Variants in LRRC23 observed in about 807,000 individuals in gnomAD.
LRRC23 encodes leucine rich repeat containing 23.
Under a neutral mutation model 37.7 loss-of-function variants are expected in LRRC23, and 28 were observed. That is an observed-to-expected ratio of 0.74 (90% CI 0.55 to 1.02). The LOEUF is 1.02. Ranked by LOEUF, LRRC23 falls within the 50% of genes least tolerant of loss-of-function variation. The probability of loss-of-function intolerance (pLI) is 0.00; values close to 1 mark genes in which losing one functional copy is unlikely to be tolerated. For missense variants in LRRC23, 377 were observed against 413.2 expected, an observed-to-expected ratio of 0.91 and a Z score of 0.76; for synonymous variants, 161 against 165.4, an observed-to-expected ratio of 0.97 and a Z score of 0.20.
At chr12:6,907,501 G>C (rs782561345) in intron 5 of LRRC23, 56 bp downstream of exon 5, 1 of 1,577,378 alleles carries the variant, frequency 6.3e-7, no homozygotes, top group Non-Finnish European at 8.7e-7. Flanking sequence ...CTGGGGGTCA[G>C]GATGCCTGCT....
intron 5 of LRRC23, among the ~76,000 whole-genome samples, chr12:6,908,809 G>A (rs1383711454): frequency 3.1e-5 from 4 of 129,774 alleles, no homozygotes; most frequent in African/African-American, 6.9e-5. Flanking sequence ...GGGCAACAGA[G>A]CTAGACTCTG....
In LRRC23 at chr12:6,913,887, C is replaced by G; in HGVS notation, c.*25-4C>G. 6.3e-7 allele frequency: 1 copy of G among 1,582,640 alleles called. No homozygotes were observed. Among genetic ancestry groups the G allele is most frequent in the South Asian group, 1.2e-5 (1 of 86,188 alleles). The stretch of plus-strand genomic sequence containing the variant: ...CCCTATTTACTTCTGTCTTCTACCT[C>G]CAGGAGATCAAAGACGCTGGCCTTC... On this transcript the variant is annotated splice_region_variant and splice_polypyrimidine_tract_variant and intron_variant, in intron 7 of 7. Coordinates refer to ENST00000443597, the MANE Select transcript of LRRC23 (RefSeq NM_001135217.2).
Position 6,907,439 on chromosome 12 carries a change from C to G in LRRC23, c.615C>G (p.Leu205=), listed in dbSNP as rs146454873. 12 of 1,614,082 alleles carry G rather than the reference C, an allele frequency of 7.4e-6. No homozygotes were observed. Among genetic ancestry groups the G allele is most frequent in the Non-Finnish European group, 1.0e-5 (12 of 1,180,022 alleles). Residue 205 remains leucine (L), a synonymous_variant, in exon 5 of 8, where the codon CTC becomes CTG. Transcript: ENST00000443597. ...TCAATCTTCCTAAGCTGAAGAACCTCTACCTGGTAGCTCACTGGGTCAGAG... is the reference window on the plus strand; with the variant it reads ...TCAATCTTCCTAAGCTGAAGAACCTGTACCTGGTAGCTCACTGGGTCAGAG... The part of the protein sequence containing the change: ...LGINLPKLKN[L]YLAQNMLKKV...
intron 7 of LRRC23, 159 bp downstream of exon 7, chr12:6,913,186 A>AGGG: frequency 1.5e-6 from 1 of 678,788 alleles, no homozygotes; most frequent in South Asian, 1.9e-5. Context: ...GGAGAGGAAA[A>AGGG]GGGACCCAAG....
chr12:6,908,285 C>T (rs896746324), intron 5 of LRRC23, among the ~76,000 whole-genome samples: 7 of 151,844 alleles, frequency 4.6e-5, no homozygotes, highest in African/African-American at 9.7e-5. Flanking sequence ...GGGAGGCTGT[C>T]GCTGGGGAGG....
intron 5 of LRRC23, among the ~76,000 whole-genome samples, chr12:6,909,197 A>T (rs782177178): frequency 3.1e-4 from 3 of 9,706 alleles, no homozygotes; most frequent in Admixed American, 2.0e-3. Context: ...TATTATATAT[A>T]ATATATAATT....
rs965820114 is a variant in LRRC23 at position 6,905,491 on chromosome 12, G to C, written c.-49-94G>C. On this transcript the variant is annotated intron_variant, in intron 1 of 7. Transcript: ENST00000443597. ...ATAAGGAAAGAAGCCTAGAGTTGGT[G>C]GGTCAGAAGTCATGGGGGTGATGGG... 26 of 728,746 alleles carry C rather than the reference G, an allele frequency of 3.6e-5. No individual in the cohort carries two copies. The Admixed American group carries it at 4.0e-4, about 11-fold the overall frequency. The allele number at this position is 728,746 out of a possible 1,614,324, so 45.1% of individuals were successfully genotyped here.
At chr12:6,910,668 G>A (rs782775490) in intron 6 of LRRC23, among the ~76,000 whole-genome samples, 4 of 151,908 alleles carry the variant, frequency 2.6e-5, no homozygotes, top group Admixed American at 1.3e-4. Context: ...AGATAAAGCC[G>A]CTGCACTCCA....
intron 6 of LRRC23, 121 bp from the exon 7 acceptor site, chr12:6,912,609 C>A: frequency 1.1e-6 from 1 of 880,842 alleles, no homozygotes; most frequent in Non-Finnish European, 1.8e-6. Flanking sequence ...CTTGGCAGGC[C>A]AGTCCTCACA....
chr12:6,906,548 C>G lies in LRRC23; in HGVS notation c.376C>G (p.Arg126Gly), dbSNP rs1289377349. The change falls in exon 4 of 8, where the codon CGA becomes GGA. Residue 126 changes from arginine (R) to glycine (G), a missense_variant. By Grantham distance (125) the Arg-to-Gly change is moderately radical. Coordinates refer to ENST00000443597, the MANE Select transcript of LRRC23 (RefSeq NM_001135217.2). The part of the protein sequence containing the change: ...LWLKADGNRL[R>G]SAQMNELPYL... ...GCTCAAGGCTGATGGCAATCGGCTG[C>G]GAAGTGCCCAGATGAATGAACTGCC... 5 of 1,614,102 alleles carry G rather than the reference C, an allele frequency of 3.1e-6. No homozygotes were observed. Among genetic ancestry groups the G allele is most frequent in the African/African-American group, 1.3e-5 (1 of 74,930 alleles).
In LRRC23 at chr12:6,912,927, G is replaced by A. The variant is rs782037151; in HGVS notation, c.956G>A (p.Arg319Gln). 37 of 1,614,120 alleles carry A rather than the reference G, an allele frequency of 2.3e-5. No homozygotes were observed. The highest frequency in any genetic ancestry group is 2.6e-5 in the Non-Finnish European group (31 of 1,180,022). Residue 319 changes from arginine (R) to glutamine (Q), a missense_variant, in exon 7 of 8, where the codon CGA becomes CAA. By Grantham distance (43) the Arg-to-Gln change is conservative (BLOSUM62 1). This residue lies in a region of LRRC23 where 266 missense variants were observed against 285.6 expected (regional missense o/e 0.93). Transcript: ENST00000443597. Reference protein sequence around the residue: ...EEERAEADVIRQRLKEEKEQE... With the variant: ...EEERAEADVIQQRLKEEKEQE... ...GAACGGGCTGAGGCTGATGTGATTC[G>A]ACAGAGGCTGAAGGAAGAAAAGGAG...
chr12:6,906,791 T>G, intron 4 of LRRC23, 129 bp downstream of exon 4: 1 of 1,013,380 alleles, frequency 9.9e-7, no homozygotes, highest in East Asian at 2.4e-5. Flanking sequence ...ATACGCAATA[T>G]GATTCATTAT....
Position 6,913,924 on chromosome 12 carries a change from G to T in LRRC23, c.*58G>T. 2 of 1,609,298 alleles carry T rather than the reference G, an allele frequency of 1.2e-6. No homozygotes were observed. Among genetic ancestry groups the T allele is most frequent in the Non-Finnish European group, 1.7e-6 (2 of 1,177,850 alleles). ...AGACGCTGGCCTTCAGACCTGATCA[G>T]ACTCCCAGGGGCAGCCACCACATGT... is the stretch of plus-strand genomic sequence containing the variant. On this transcript the variant is annotated 3_prime_UTR_variant, in exon 8 of 8. Coordinates refer to ENST00000443597, the MANE Select transcript of LRRC23 (RefSeq NM_001135217.2).
chr12:6,909,494 T>TTTTATATAA (rs1945104877), intron 5 of LRRC23, among the ~76,000 whole-genome samples: 1 of 100,204 alleles, frequency 1.0e-5, no homozygotes, highest in African/African-American at 4.5e-5. Flanking sequence ...ATATAATATA[T>TTTTATATAA]TATATATTAT....
At chr12:6,905,443 A>G (rs10849538) in intron 1 of LRRC23, 142 bp from the exon 2 acceptor site, 185,899 of 530,110 alleles carry the variant, frequency 0.35, 39,329 homozygotes, top group African/African-American at 0.78. Context: ...GGAGTTGAGA[A>G]TCAAAATGAG....
At position 6,906,282 on chromosome 12, in the gene LRRC23, C is replaced by T. The variant is rs782260557; in HGVS notation, c.237-127C>T. ...TTCTCTTACCCTTCTTCTCCCCTAC[C>T]ATCTGTTGCCCATTCTTCTCCCCAT... is the stretch of plus-strand genomic sequence containing the variant. On this transcript the variant is annotated intron_variant, in intron 3 of 7. Coordinates refer to ENST00000443597, the MANE Select transcript of LRRC23 (RefSeq NM_001135217.2). 129 of 895,462 alleles carry T rather than the reference C, an allele frequency of 1.4e-4. No individual in the cohort carries two copies. In the South Asian group the frequency reaches 2.0e-3, roughly 14 times the overall value. 55.5% of individuals were successfully genotyped at this position (895,462 alleles called of 1,614,324 possible).
chr12:6,909,480 T>A (rs1555140415), intron 5 of LRRC23, among the ~76,000 whole-genome samples: 2 of 95,566 alleles, frequency 2.1e-5, no homozygotes, highest in Non-Finnish European at 1.8e-5. Flanking sequence ...ATATTTTATA[T>A]ATTATATAAT....
chr12:6,912,614 C>G, intron 6 of LRRC23, 116 bp from the exon 7 acceptor site: 1 of 933,462 alleles, frequency 1.1e-6, no homozygotes. Context: ...CAGGCCAGTC[C>G]TCACAGTGTT....
intron 5 of LRRC23, among the ~76,000 whole-genome samples, chr12:6,908,519 C>T (rs1289097523): frequency 6.7e-6 from 1 of 149,330 alleles, no homozygotes. Context: ...ATGGCTTGAA[C>T]CCAGAAGGCA....
Sources: allele counts gnomAD v4.1 joint callset (sites outside exome capture counted in the v4.1 genomes callset), GRCh38; gene constraint gnomAD v4.1.1; regional missense constraint gnomAD v4.1.1; transcripts MANE v1.5; gene names NCBI Gene and HGNC (gene_info 2026-07-23, HGNC 2026-07-21).